Variants in ZFAND3 observed in about 807,000 individuals in gnomAD.
The protein encoded by ZFAND3 is zinc finger AN1-type containing 3, also known as AN1-type zinc finger protein 3.
In ZFAND3, 10 loss-of-function variants were observed where a neutral mutation model predicts 29.6. The observed-to-expected ratio is 0.34, with a 90% CI of 0.21 to 0.57. The LOEUF (loss-of-function observed/expected upper bound fraction) is 0.57. Among genes scored for constraint, ZFAND3 ranks in the 20% least tolerant of loss-of-function variants. ZFAND3 has a pLI of 0.86. For missense variants in ZFAND3, 230 were observed against 304.5 expected (o/e 0.76, Z 1.82); for synonymous variants, 128 against 112.6 (o/e 1.14, Z -0.87).
chr6:37,945,799 A>T (rs1761890536), intron 2 of ZFAND3, among the ~76,000 whole-genome samples: 1 of 152,240 alleles, frequency 6.6e-6, no homozygotes, highest in Non-Finnish European at 1.5e-5. Flanking sequence ...CATATAAAAT[A>T]CCTGACTTTG....
intron 5 of ZFAND3, among the ~76,000 whole-genome samples, chr6:38,128,642 G>A (rs974281154): frequency 2.6e-5 from 4 of 151,654 alleles, no homozygotes; most frequent in African/African-American, 9.7e-5. Flanking sequence ...TGTCATCCAG[G>A]TTGCTGCAAA....
At chr6:37,993,124 G>A (rs1234016527) in intron 2 of ZFAND3, among the ~76,000 whole-genome samples, 9 of 151,910 alleles carry the variant, frequency 5.9e-5, no homozygotes, top group Admixed American at 2.6e-4. Flanking sequence ...GTAATCTGGT[G>A]AGTTCAATCT....
intron 4 of ZFAND3, among the ~76,000 whole-genome samples, chr6:38,112,912 A>G (rs1376208570): frequency 6.6e-6 from 1 of 152,224 alleles, no homozygotes; most frequent in Non-Finnish European, 1.5e-5. Context: ...TAAAACACTA[A>G]GTTGACTTGT....
chr6:38,137,108 G>A (rs1373150317), intron 5 of ZFAND3, among the ~76,000 whole-genome samples: 1 of 152,216 alleles, frequency 6.6e-6, no homozygotes, highest in African/African-American at 2.4e-5. Flanking sequence ...GTAATTATGA[G>A]CAACAGCAAA....
At chr6:38,052,768 GCTCACGCCTGTAA>G (rs1764051366) in intron 2 of ZFAND3, among the ~76,000 whole-genome samples, 1 of 152,140 alleles carries the variant, frequency 6.6e-6, no homozygotes, top group South Asian at 2.1e-4. Flanking sequence ...GGGCGTGGTG[GCTCACGCCTGTAA>G]TCCCAGAGTG....
chr6:37,918,951 C>CTTTGTTTTTTTTTTTTT (rs1761318978), intron 1 of ZFAND3, among the ~76,000 whole-genome samples: 1 of 104,738 alleles, frequency 9.5e-6, no homozygotes, highest in Non-Finnish European at 1.8e-5. Flanking sequence ...TGAAAAATGC[C>CTTTGTTTTTTTTTTTTT]TTTTTTTTTT....
At chr6:38,107,440 C>T (rs940491639) in intron 4 of ZFAND3, among the ~76,000 whole-genome samples, 11 of 152,322 alleles carry the variant, frequency 7.2e-5, no homozygotes, top group African/African-American at 2.2e-4. Context: ...TCTTTACTTA[C>T]GCCAGTCCTC....
chr6:37,839,233 T>C (rs1490280845), intron 1 of ZFAND3, among the ~76,000 whole-genome samples: 1 of 151,610 alleles, frequency 6.6e-6, no homozygotes, highest in Non-Finnish European at 1.5e-5. Flanking sequence ...CAGGCTGGAG[T>C]GCAGTGGCGC....
At position 38,153,244 on chromosome 6, in the gene ZFAND3, C is replaced by T. The variant is rs1422992533; in HGVS notation, c.*855C>T. ...GGCTGGGTCTGCACACTGGCCTCTG[C>T]AGCCAGATTTCTATATTGGGAGTTT... is the stretch of plus-strand genomic sequence containing the variant. On this transcript the variant is annotated 3_prime_UTR_variant, in exon 6 of 6. Coordinates refer to ENST00000287218, the MANE Select transcript of ZFAND3 (RefSeq NM_021943.3). 10 of 985,382 alleles carry T rather than the reference C, an allele frequency of 1.0e-5. No homozygotes were observed. The highest frequency in any genetic ancestry group is 1.2e-5 in the Non-Finnish European group (10 of 829,966). 61.0% of individuals were successfully genotyped at this position (985,382 alleles called of 1,614,324 possible).
At chr6:38,136,161 C>G (rs1048178071) in intron 5 of ZFAND3, among the ~76,000 whole-genome samples, 5 of 152,090 alleles carry the variant, frequency 3.3e-5, no homozygotes, top group Non-Finnish European at 5.9e-5. Context: ...CTTATTTCCT[C>G]CTGAGATGTG....
At chr6:38,015,027 C>T (rs1262465864) in intron 2 of ZFAND3, among the ~76,000 whole-genome samples, 1 of 152,168 alleles carries the variant, frequency 6.6e-6, no homozygotes, top group African/African-American at 2.4e-5. Context: ...TAAACCAAGA[C>T]TGGTAGATGT....
At chr6:38,096,647 T>C (rs1412808912) in intron 4 of ZFAND3, among the ~76,000 whole-genome samples, 1 of 152,158 alleles carries the variant, frequency 6.6e-6, no homozygotes, top group Admixed American at 6.5e-5. Context: ...GGGGGTTTTT[T>C]TGTTTTGTTT....
At chr6:37,880,629 G>C (rs1764874949) in intron 1 of ZFAND3, among the ~76,000 whole-genome samples, 1 of 151,996 alleles carries the variant, frequency 6.6e-6, no homozygotes, top group African/African-American at 2.4e-5. Context: ...TTAGTTTCAG[G>C]TCTGTTTTGT....
At chr6:37,960,684 A>G (rs1291848578) in intron 2 of ZFAND3, among the ~76,000 whole-genome samples, 3 of 152,220 alleles carry the variant, frequency 2.0e-5, no homozygotes, top group African/African-American at 2.4e-5. Context: ...CATTCTAGGT[A>G]TAGAAACAGA....
intron 4 of ZFAND3, among the ~76,000 whole-genome samples, chr6:38,115,903 G>C (rs1226507362): frequency 6.6e-6 from 1 of 152,164 alleles, no homozygotes; most frequent in Admixed American, 6.5e-5. Flanking sequence ...GCCTGGTGCT[G>C]CTGCTGCTGC....
chr6:37,923,958 T>C (rs1395061341), intron 1 of ZFAND3, among the ~76,000 whole-genome samples: 3 of 152,246 alleles, frequency 2.0e-5, no homozygotes, highest in Non-Finnish European at 2.9e-5. Context: ...TGGGGAATTA[T>C]AAATGAGTTT....
chr6:37,945,506 C>T (rs1217801016), intron 2 of ZFAND3, among the ~76,000 whole-genome samples: 2 of 152,090 alleles, frequency 1.3e-5, no homozygotes, highest in Non-Finnish European at 2.9e-5. Context: ...AACAGTTCTC[C>T]TGCTTCAGCC....
intron 2 of ZFAND3, among the ~76,000 whole-genome samples, chr6:37,995,244 C>T (rs1762830627): frequency 6.6e-6 from 1 of 152,042 alleles, no homozygotes; most frequent in African/African-American, 2.4e-5. Context: ...TTAATTTTAA[C>T]CTCTTTCTTA....
intron 1 of ZFAND3, among the ~76,000 whole-genome samples, chr6:37,874,210 C>T (rs1252701848): frequency 6.6e-6 from 1 of 152,138 alleles, no homozygotes; most frequent in Non-Finnish European, 1.5e-5. Context: ...ATGTATCTGT[C>T]TCTGTGTACT....
Sources: gnomAD v4.1 joint callset for allele counts (sites outside exome capture counted in the v4.1 genomes callset) on GRCh38, gnomAD v4.1.1 for gene constraint, MANE v1.5 for transcripts, NCBI Gene and HGNC (gene_info 2026-07-23, HGNC 2026-07-21) for gene names.